The following PEAK3 variants were observed in gnomAD, a reference collection of about 807,000 sequenced individuals.
PEAK3 encodes protein PEAK3.
Under a neutral mutation model 13.3 loss-of-function variants are expected in PEAK3, and 15 were observed. The ratio of observed to expected loss-of-function variants is 1.13; its 90% CI spans 0.75 to 1.73. PEAK3 has a LOEUF of 1.73. Among genes scored for constraint, PEAK3 ranks in the 40% most tolerant of loss-of-function variants. PEAK3 has a pLI of 0.00. For missense variants in PEAK3, 739 were observed against 690.2 expected (o/e 1.07, Z -0.79); for synonymous variants, 347 against 341.9 (o/e 1.01, Z -0.17).
At position 2,275,934 on chromosome 19, in the gene PEAK3, G is replaced by A. The variant is rs111661311; in HGVS notation, c.1168C>T (p.Arg390Trp). Residue 390 changes from arginine to tryptophan, a missense_variant, in exon 4 of 4, where the codon CGG (arginine) becomes TGG (tryptophan). Coordinates refer to ENST00000342063, the MANE Select transcript of PEAK3 (RefSeq NM_198532.3). ...AGCGCCTGCAGCGCGCCCCGCGTCC[G>A]GGACGCCGAGGGCCGCAAGCGGGTC... ...QLTRLRPSAS[R>W]TRGALQALLW... 1.4e-6 allele frequency: 2 copies of A among 1,381,404 alleles called. No homozygotes were observed. Among genetic ancestry groups the A allele is most frequent in the Non-Finnish European group, 1.9e-6 (2 of 1,075,302 alleles). 85.6% of individuals were successfully genotyped at this position (1,381,404 alleles called of 1,614,324 possible).
At chr19:2,279,727 C>T (rs1031220573) in intron 2 of PEAK3, among the ~76,000 whole-genome samples, 1 of 151,876 alleles carries the variant, frequency 6.6e-6, no homozygotes, top group Admixed American at 6.6e-5. Context: ...CTCCCACTTA[C>T]CTCCGTGGCT....
At chr19:2,277,886 C>T (rs891786058) in intron 3 of PEAK3, among the ~76,000 whole-genome samples, 3 of 138,472 alleles carry the variant, frequency 2.2e-5, no homozygotes, top group East Asian at 4.4e-4. Flanking sequence ...TTTTTTTAGA[C>T]GGAGTCTCGC....
At position 2,278,622 on chromosome 19, in the gene PEAK3, G is replaced by T; in HGVS notation, c.574C>A (p.Arg192Ser). 1 of 1,494,808 alleles carries T rather than the reference G, an allele frequency of 6.7e-7. No homozygotes were observed. Among genetic ancestry groups the T allele is most frequent in the Non-Finnish European group, 8.9e-7 (1 of 1,121,730 alleles). The allele number at this position is 1,494,808 out of a possible 1,614,324, so 92.6% of individuals were successfully genotyped here. The change falls in exon 3 of 4, where the codon CGC (arginine) becomes AGC (serine). Residue 192 changes from arginine to serine, a missense_variant. Arg to Ser is a moderately radical substitution (Grantham distance 110). Coordinates refer to ENST00000342063, the MANE Select transcript of PEAK3 (RefSeq NM_198532.3). Reference sequence around the variant, plus strand: ...ATGTGCCAGGCGTCCTCGTGCGCGCGCACCACGCGGTAATACAGGGCGTCC... The same window carrying T: ...ATGTGCCAGGCGTCCTCGTGCGCGCTCACCACGCGGTAATACAGGGCGTCC... ...SGDALYYRVV[R>S]AHEDAWHILV...
In PEAK3 at chr19:2,280,912, G is replaced by T; in HGVS notation, c.20C>A (p.Pro7His). Residue 7 changes from proline (P) to histidine (H), a missense_variant, in exon 2 of 4, where the codon CCC (proline) becomes CAC (histidine). Transcript: ENST00000342063. MSSPEPPTEPPEPDNPT... is the reference protein window; with the variant it reads MSSPEPHTEPPEPDNPT... ...GTTGTCGGGCTCGGGGGGCTCTGTG[G>T]GGGGCTCCGGGCTGCTCATGTTGCT... The T allele has an allele frequency of 6.3e-7, 1 of 1,582,736 alleles. No homozygotes were observed. The highest frequency in any genetic ancestry group is 2.3e-5 in the East Asian group (1 of 43,562).
Position 2,279,044 on chromosome 19 carries a change from T to C in PEAK3, c.152A>G (p.Asn51Ser), listed in dbSNP as rs2025418499. 3.3e-6 allele frequency: 5 copies of C among 1,510,422 alleles called. No homozygotes were observed. In the South Asian group the frequency reaches 6.5e-5, roughly 20 times the overall value. The allele number at this position is 1,510,422 out of a possible 1,614,324, so 93.6% of individuals were successfully genotyped here. The change falls in exon 3 of 4, where the codon AAC becomes AGC. Residue 51 changes from asparagine to serine, a missense_variant. Transcript: ENST00000342063. ...RLRTPGSLST[N>S]PEPLPPPLPK... is the part of the protein sequence containing the mutation. ...CAGGGGTGGGGGCAGGGGCTCTGGG[T>C]TGGTGGAGAGGGACCCAGGGGTCCG...
Position 2,276,338 on chromosome 19 carries a change from G to A in PEAK3, c.764C>T (p.Ala255Val), listed in dbSNP as rs200177400. 185 of 1,599,114 alleles carry A rather than the reference G, an allele frequency of 1.2e-4. 1 individual carries two copies. In the East Asian group the frequency reaches 4.0e-3, roughly 34 times the overall value. Reference sequence around the variant, plus strand: ...CGCCACCGTGCGCTCTGGAACCTCGGCTGCCAGCGCCACTGCGCCTCTCCA... The same window carrying A: ...CGCCACCGTGCGCTCTGGAACCTCGACTGCCAGCGCCACTGCGCCTCTCCA... ...APWRGAVALA[A>V]EVPERTVAQW... is the part of the protein sequence containing the mutation. Residue 255 changes from alanine (A) to valine (V), a missense_variant, in exon 4 of 4, where the codon GCC becomes GTC. Ala to Val is a moderately conservative substitution (Grantham distance 64). Transcript: ENST00000342063.
intron 2 of PEAK3, among the ~76,000 whole-genome samples, chr19:2,280,420 C>G (rs1229466943): frequency 6.6e-6 from 1 of 152,112 alleles, no homozygotes; most frequent in African/African-American, 2.4e-5. Context: ...TCATGGCTCA[C>G]TGCAGCCTTG....
chr19:2,277,607 G>A, intron 3 of PEAK3, among the ~76,000 whole-genome samples: 1 of 151,880 alleles, frequency 6.6e-6, no homozygotes, highest in Non-Finnish European at 1.5e-5. Flanking sequence ...CGCCCAGGCT[G>A]GAGTGCAATA....
Position 2,276,089 on chromosome 19 carries a change from G to A in PEAK3, c.1013C>T (p.Pro338Leu), listed in dbSNP as rs1299060153. 1 of 1,496,300 alleles carries A rather than the reference G, an allele frequency of 6.7e-7. No individual in the cohort carries two copies. Among genetic ancestry groups the A allele is most frequent in the African/African-American group, 1.4e-5 (1 of 70,994 alleles). 92.7% of individuals were successfully genotyped at this position (1,496,300 alleles called of 1,614,324 possible). A position where few individuals can be genotyped will look rare whatever the true frequency, so the allele number is the denominator to read the frequency against. Reference protein sequence around the residue: ...LTDFGRVCLQPPGPPGSPGPH... With the variant: ...LTDFGRVCLQLPGPPGSPGPH... ...GCCCGGGGATCCCGGGGGTCCAGGGGGCTGCAGACAGACGCGGCCAAAGTC... is the reference window on the plus strand; with the variant it reads ...GCCCGGGGATCCCGGGGGTCCAGGGAGCTGCAGACAGACGCGGCCAAAGTC... Residue 338 changes from proline (P) to leucine (L), a missense_variant, in exon 4 of 4, where the codon CCC becomes CTC. Pro to Leu is a moderately conservative substitution (Grantham distance 98). Coordinates refer to ENST00000342063, the MANE Select transcript of PEAK3 (RefSeq NM_198532.3).
intron 2 of PEAK3, among the ~76,000 whole-genome samples, chr19:2,280,470 G>A (rs12460315): frequency 0.091 from 13,852 of 151,692 alleles, 1,023 homozygotes; most frequent in East Asian, 0.34. Context: ...TCAGCTTCCC[G>A]AGCAGCTGGG....
At chr19:2,281,662 G>C (rs1350915599) in intron 1 of PEAK3, among the ~76,000 whole-genome samples, 2 of 129,962 alleles carry the variant, frequency 1.5e-5, no homozygotes, top group Non-Finnish European at 1.6e-5. Context: ...CCTCTCTGGG[G>C]CCCTGCTGTG....
intron 3 of PEAK3, among the ~76,000 whole-genome samples, chr19:2,277,396 G>T: frequency 6.6e-6 from 1 of 151,972 alleles, no homozygotes; most frequent in East Asian, 1.9e-4. Context: ...TGCTCCCACC[G>T]TGTGAGATGC....
chr19:2,280,825 C>T, intron 2 of PEAK3, 25 bp downstream of exon 2: 1 of 1,595,934 alleles, frequency 6.3e-7, no homozygotes, highest in East Asian at 2.3e-5. Flanking sequence ...CCCCGCAGCC[C>T]AGGGCTCCCT....
chr19:2,276,259 C>T lies in PEAK3; in HGVS notation c.843G>A (p.Val281=). 6.3e-7 allele frequency: 1 copy of T among 1,591,670 alleles called. No homozygotes were observed. The highest frequency in any genetic ancestry group is 1.1e-5 in the South Asian group (1 of 89,140). ...CGCTCAGCTGCAGCAGCAGCAGGGCCACAGCCCACACGAACTCCTCCGGCG... is the reference window on the plus strand; with the variant it reads ...CGCTCAGCTGCAGCAGCAGCAGGGCTACAGCCCACACGAACTCCTCCGGCG... The part of the protein sequence containing the change: ...TQPPEEFVWA[V]ALLLLQLSAA... Residue 281 remains valine, a synonymous_variant, in exon 4 of 4, where the codon GTG becomes GTA. Coordinates refer to ENST00000342063, the MANE Select transcript of PEAK3 (RefSeq NM_198532.3).
chr19:2,275,523 A>T lies in PEAK3; in HGVS notation c.*157T>A. The T allele has an allele frequency of 1.6e-6, 1 of 625,108 alleles. No individual in the cohort carries two copies. Among genetic ancestry groups the T allele is most frequent in the East Asian group, 3.5e-5 (1 of 28,476 alleles). The allele number at this position is 625,108 out of a possible 1,614,324, so 38.7% of individuals were successfully genotyped here. On this transcript the variant is annotated 3_prime_UTR_variant, in exon 4 of 4. Transcript: ENST00000342063. ...GAAGCCCTTGACCCACATCCCCAGC[A>T]CGGGAGGGGAGGCTCTGGAGTGGGG... is the stretch of plus-strand genomic sequence containing the variant.
Position 2,278,702 on chromosome 19 carries a change from C to T in PEAK3, c.494G>A (p.Cys165Tyr). 1 of 1,525,542 alleles carries T rather than the reference C, an allele frequency of 6.6e-7. No homozygotes were observed. Among genetic ancestry groups the T allele is most frequent in the Non-Finnish European group, 8.8e-7 (1 of 1,136,332 alleles). 94.5% of individuals were successfully genotyped at this position (1,525,542 alleles called of 1,614,324 possible). A position where few individuals can be genotyped will look rare whatever the true frequency, so the allele number is the denominator to read the frequency against. ...ARLMGGHPGP[C>Y]HPGHSFRLLD... ...GAGGCGGAAGCTGTGGCCGGGGTGG[C>T]AGGGCCCGGGGTGGCCCCCCATGAG... The change falls in exon 3 of 4, where the codon TGC becomes TAC. Residue 165 changes from cysteine to tyrosine, a missense_variant. Coordinates refer to ENST00000342063, the MANE Select transcript of PEAK3 (RefSeq NM_198532.3).
At chr19:2,276,568 G>A (rs960962770) in intron 3 of PEAK3, 79 bp from the exon 4 acceptor site, 2 of 1,286,380 alleles carry the variant, frequency 1.6e-6, no homozygotes, top group African/African-American at 1.5e-5. Flanking sequence ...TACCTGCCCC[G>A]AAGCCTCCCA....
chr19:2,281,378 C>T (rs1456650288), intron 1 of PEAK3, among the ~76,000 whole-genome samples: 3 of 106,828 alleles, frequency 2.8e-5, no homozygotes, highest in Non-Finnish European at 3.8e-5. Context: ...TGTGTGATCC[C>T]GAGTGGGTTT....
Position 2,276,202 on chromosome 19 carries a change from C to T in PEAK3, c.900G>A (p.Ala300=). ...AALKFLEAWG[A]ALVELRPENL... The stretch of plus-strand genomic sequence containing the variant: ...TCTCCGGCCGCAACTCGACTAGGGC[C>T]GCGCCCCACGCCTCCAGGAACTTCA... Residue 300 remains alanine (A), a synonymous_variant, in exon 4 of 4, where the codon GCG becomes GCA. Transcript: ENST00000342063. 6.4e-7 allele frequency: 1 copy of T among 1,561,442 alleles called. No homozygotes were observed. Among genetic ancestry groups the T allele is most frequent in the Non-Finnish European group, 8.6e-7 (1 of 1,156,994 alleles).
Sources: allele counts gnomAD v4.1 joint callset (sites outside exome capture counted in the v4.1 genomes callset), GRCh38; gene constraint gnomAD v4.1.1; transcripts MANE v1.5; gene names NCBI Gene and HGNC (gene_info 2026-07-23, HGNC 2026-07-21).